The following DOCK2 variants were observed in gnomAD, a reference collection of about 807,000 sequenced individuals.
DOCK2 encodes the protein dedicator of cytokinesis protein 2.
A neutral mutation model predicts 248.9 loss-of-function variants in DOCK2; 87 were observed. The ratio of observed to expected loss-of-function variants is 0.35; its 90% CI spans 0.29 to 0.42. The LOEUF (loss-of-function observed/expected upper bound fraction) is 0.42. Ranked by LOEUF, DOCK2 falls within the 10% of genes least tolerant of loss-of-function variation. The pLI is 1.00. For synonymous variants in DOCK2, 805 were observed against 821.6 expected (o/e 0.98, Z 0.35); for missense variants, 1,747 against 2,300.2 (o/e 0.76, Z 4.92).
At chr5:169,882,683 G>C in intron 27 of DOCK2, 1 of 1,552,036 alleles carries the variant, frequency 6.4e-7, no homozygotes, top group African/African-American at 1.4e-5. Context: ...AGTTCACCCC[G>C]TGCCAGGTGA....
At chr5:169,804,487 C>T (rs11134590) in intron 26 of DOCK2, among the ~76,000 whole-genome samples, 19,024 of 82,206 alleles carry the variant, frequency 0.23, 1,277 homozygotes, top group East Asian at 0.35. Context: ...TGTGTGTGTG[C>T]GCGCGCGCGT....
At chr5:169,850,893 G>A (rs2113371577) in intron 27 of DOCK2, among the ~76,000 whole-genome samples, 1 of 152,314 alleles carries the variant, frequency 6.6e-6, no homozygotes, top group Non-Finnish European at 1.5e-5. Context: ...CATTTTAAGT[G>A]GGAGGAGCAT....
intron 27 of DOCK2, among the ~76,000 whole-genome samples, chr5:169,969,009 A>C (rs1291535744): frequency 6.6e-6 from 1 of 152,178 alleles, no homozygotes; most frequent in African/African-American, 2.4e-5. Context: ...AAATAGCCTG[A>C]TGTGGTGACA....
chr5:170,003,373 G>A (rs1227864966), intron 30 of DOCK2, among the ~76,000 whole-genome samples: 1 of 152,230 alleles, frequency 6.6e-6, no homozygotes, highest in African/African-American at 2.4e-5. Context: ...ACTGACACAT[G>A]TGCTCTTGAC....
chr5:170,061,925 A>G (rs986974665), intron 44 of DOCK2, among the ~76,000 whole-genome samples: 6 of 152,186 alleles, frequency 3.9e-5, no homozygotes, highest in Non-Finnish European at 8.8e-5. Context: ...TACTTGACAG[A>G]TACTAGACCG....
chr5:169,704,147 A>G (rs1235349965), intron 14 of DOCK2: 1 of 152,216 alleles, frequency 6.6e-6, no homozygotes, highest in African/African-American at 2.4e-5. Context: ...GGTTTCCTCT[A>G]TTAGGGAAAT....
At chr5:169,907,394 GTT>G (rs986019490) in intron 27 of DOCK2, among the ~76,000 whole-genome samples, 19 of 152,202 alleles carry the variant, frequency 1.2e-4, no homozygotes, top group African/African-American at 4.6e-4. Flanking sequence ...TCTAGTTCCT[GTT>G]TACTCTCTGC....
chr5:169,958,106 C>T (rs1299686257), intron 27 of DOCK2, among the ~76,000 whole-genome samples: 1 of 152,178 alleles, frequency 6.6e-6, no homozygotes, highest in African/African-American at 2.4e-5. Flanking sequence ...AAGTGTGAAA[C>T]ATGACGTCCA....
At chr5:169,967,258 A>G (rs1216878543) in intron 27 of DOCK2, among the ~76,000 whole-genome samples, 1 of 152,232 alleles carries the variant, frequency 6.6e-6, no homozygotes, top group Non-Finnish European at 1.5e-5. Context: ...AGAGAATCCC[A>G]GAAGCCTTTC....
At chr5:169,985,028 G>A (rs1778030485) in intron 28 of DOCK2, among the ~76,000 whole-genome samples, 2 of 152,048 alleles carry the variant, frequency 1.3e-5, no homozygotes, top group African/African-American at 4.8e-5. Flanking sequence ...AAGTTATTCT[G>A]CCACAGCCTC....
intron 25 of DOCK2, among the ~76,000 whole-genome samples, chr5:169,789,362 T>C (rs1364784037): frequency 6.6e-6 from 1 of 152,236 alleles, no homozygotes; most frequent in African/African-American, 2.4e-5. Flanking sequence ...TTTATTTGGG[T>C]CAATACCCAG....
At chr5:169,707,168 G>T (rs1249987305) in intron 14 of DOCK2, among the ~76,000 whole-genome samples, 3 of 152,160 alleles carry the variant, frequency 2.0e-5, no homozygotes, top group Non-Finnish European at 4.4e-5. Flanking sequence ...CTTGTTTGGG[G>T]GCCAAACGGC....
intron 27 of DOCK2, among the ~76,000 whole-genome samples, chr5:169,967,841 C>T (rs6883231): frequency 0.28 from 41,883 of 151,836 alleles, 6,079 homozygotes; most frequent in Non-Finnish European, 0.33. Flanking sequence ...AGAAAAATTT[C>T]TAAATCCCCA....
At chr5:169,888,107 A>T (rs749626546) in intron 27 of DOCK2, among the ~76,000 whole-genome samples, 2 of 152,254 alleles carry the variant, frequency 1.3e-5, no homozygotes, top group Non-Finnish European at 1.5e-5. Flanking sequence ...TTTTAGACAG[A>T]GCCTAGGAAG....
At chr5:170,060,515 G>C (rs1035843544) in intron 44 of DOCK2, among the ~76,000 whole-genome samples, 20 of 152,152 alleles carry the variant, frequency 1.3e-4, no homozygotes, top group Non-Finnish European at 2.9e-4. Context: ...CGCCAGCCTG[G>C]TTTGGCTTGC....
At chr5:169,724,777 A>G (rs556941903) in intron 22 of DOCK2, among the ~76,000 whole-genome samples, 39 of 128,004 alleles carry the variant, frequency 3.0e-4, no homozygotes, top group African/African-American at 1.1e-3. Flanking sequence ...TTATTTGCCT[A>G]TTTATTTATT....
chr5:169,704,789 GTGTGTGTGTGTGTGTGTA>G (rs1395823891), intron 14 of DOCK2, among the ~76,000 whole-genome samples: 2 of 148,156 alleles, frequency 1.3e-5, no homozygotes, highest in Admixed American at 6.7e-5. Flanking sequence ...GTGTGTGTGT[GTGTGTGTGTGTGTGTGTA>G]TGTGTATGCA....
At chr5:169,838,410 G>C (rs926697689) in intron 26 of DOCK2, among the ~76,000 whole-genome samples, 1 of 152,172 alleles carries the variant, frequency 6.6e-6, no homozygotes, top group African/African-American at 2.4e-5. Flanking sequence ...GATGTGAGAC[G>C]ATATAAAGTG....
intron 40 of DOCK2, 106 bp from the exon 41 acceptor site, chr5:170,050,150 G>T: frequency 4.9e-6 from 7 of 1,430,402 alleles, no homozygotes; most frequent in Non-Finnish European, 6.7e-6. Context: ...GTGATGCACT[G>T]GACATCCCCA....
Sources: allele counts gnomAD v4.1 joint callset (sites outside exome capture counted in the v4.1 genomes callset), GRCh38; gene constraint gnomAD v4.1.1; transcripts MANE v1.5; gene names NCBI Gene and HGNC (gene_info 2026-07-23, HGNC 2026-07-21).